Variants in SCHIP1 observed in about 807,000 individuals in gnomAD.
SCHIP1 encodes the protein schwannomin-interacting protein 1.
SCHIP1 carries 8 observed loss-of-function variants against 29.7 expected under a neutral mutation model. The observed-to-expected ratio is 0.27, with a 90% CI of 0.16 to 0.49. SCHIP1 has a LOEUF of 0.49. Ranked by LOEUF, SCHIP1 falls within the 20% of genes least tolerant of loss-of-function variation. The pLI is 0.99. For synonymous variants in SCHIP1, 76 were observed against 94.9 expected, an observed-to-expected ratio of 0.80 and a Z score of 1.16; for missense variants, 193 against 294.6, an observed-to-expected ratio of 0.66 and a Z score of 2.52.
the SCHIP1 span, among the ~76,000 whole-genome samples, chr3:159,679,717 G>T: frequency 3.0e-3 from 460 of 152,112 alleles, 3 homozygotes; most frequent in Middle Eastern, 0.01. Flanking sequence ...CTCCATGATG[G>T]CCCCGAGGAA....
the SCHIP1 span, among the ~76,000 whole-genome samples, chr3:159,650,009 A>G: frequency 6.6e-6 from 1 of 152,182 alleles, no homozygotes; most frequent in African/African-American, 2.4e-5. Context: ...TTTTCATAGA[A>G]CCACACACAA....
chr3:159,405,866 G>C, the SCHIP1 span, among the ~76,000 whole-genome samples: 1 of 140,278 alleles, frequency 7.1e-6, no homozygotes, highest in African/African-American at 2.8e-5. Flanking sequence ...CTAGGCAATA[G>C]AGTGAGACTC....
At chr3:159,547,481 C>G in the SCHIP1 span, among the ~76,000 whole-genome samples, 1 of 151,960 alleles carries the variant, frequency 6.6e-6, no homozygotes, top group Non-Finnish European at 1.5e-5. Flanking sequence ...AGTTATGAAG[C>G]CTTTGCCCAT....
rs1161141544 is a variant in SCHIP1, at chr3:159,843,822, C to CAAAAAA, written c.30+3627_30+3632dup. On this transcript the variant is annotated intron_variant, in intron 1 of 6. Transcript: ENST00000445224. ...TGGGCGACAGAGCAAGACTCTGTCT[C>CAAAAAA]AAAAAAAAAAAAAAAAAAAAAAAAG... Among the ~76,000 whole-genome samples the CAAAAAA allele has an allele frequency of 8.8e-4, 35 of 39,974 alleles. 1 individual carries two copies. Among genetic ancestry groups the CAAAAAA allele is most frequent in the African/African-American group, 3.2e-3 (31 of 9,754 alleles). 26.2% of individuals were successfully genotyped at this position (39,974 alleles called of 152,430 possible).
the SCHIP1 span, among the ~76,000 whole-genome samples, chr3:159,447,824 C>G: frequency 6.6e-6 from 1 of 152,196 alleles, no homozygotes; most frequent in Non-Finnish European, 1.5e-5. Flanking sequence ...CTTCTCCTAA[C>G]TCCCAACTGT....
intron 1 of SCHIP1, among the ~76,000 whole-genome samples, chr3:159,840,652 C>T (rs1744138809): frequency 1.3e-5 from 2 of 152,074 alleles, no homozygotes; most frequent in Non-Finnish European, 2.9e-5. Context: ...TAGATAGTCG[C>T]GATTGATAAT....
chr3:159,877,740 T>TA (rs572901075), intron 2 of SCHIP1, among the ~76,000 whole-genome samples: 86 of 152,362 alleles, frequency 5.6e-4, no homozygotes, highest in Non-Finnish European at 1.1e-3. Context: ...ATTTCTTCTC[T>TA]AACCTTCATT....
chr3:159,690,145 T>C, the SCHIP1 span, among the ~76,000 whole-genome samples: 1 of 152,198 alleles, frequency 6.6e-6, no homozygotes, highest in African/African-American at 2.4e-5. Flanking sequence ...CTTTTTCTAT[T>C]GTTTGGAATA....
chr3:159,493,703 A>G, the SCHIP1 span, among the ~76,000 whole-genome samples: 1 of 151,858 alleles, frequency 6.6e-6, no homozygotes, highest in Non-Finnish European at 1.5e-5. Flanking sequence ...CAAGACAGAA[A>G]GTTAACAAGG....
the SCHIP1 span, among the ~76,000 whole-genome samples, chr3:159,567,362 T>A: frequency 6.6e-6 from 1 of 152,210 alleles, no homozygotes; most frequent in East Asian, 1.9e-4. Flanking sequence ...TATCTTTTCC[T>A]TTACAGTTCA....
the SCHIP1 span, among the ~76,000 whole-genome samples, chr3:159,752,962 G>A: frequency 2.6e-5 from 4 of 152,126 alleles, no homozygotes; most frequent in African/African-American, 7.2e-5. Context: ...TTTTCACTAC[G>A]GTAAATGCTA....
At chr3:159,809,396 A>G in the SCHIP1 span, among the ~76,000 whole-genome samples, 1 of 152,172 alleles carries the variant, frequency 6.6e-6, no homozygotes, top group Non-Finnish European at 1.5e-5. Flanking sequence ...ATTGATGGAC[A>G]TTTGGGTTGG....
chr3:159,442,923 TC>T, the SCHIP1 span, among the ~76,000 whole-genome samples: 1 of 152,172 alleles, frequency 6.6e-6, no homozygotes, highest in Non-Finnish European at 1.5e-5. Context: ...TGAAGGATTA[TC>T]CCAAGGCTTA....
chr3:159,779,177 G>A, the SCHIP1 span, among the ~76,000 whole-genome samples: 2 of 152,182 alleles, frequency 1.3e-5, no homozygotes, highest in Non-Finnish European at 2.9e-5. Context: ...TGCCACTCAG[G>A]ATGTGAAAGG....
At chr3:159,849,393 G>T (rs1239112049) in intron 1 of SCHIP1, among the ~76,000 whole-genome samples, 3 of 152,062 alleles carry the variant, frequency 2.0e-5, no homozygotes, top group Non-Finnish European at 4.4e-5. Context: ...ACGGAGTCTT[G>T]CAGTCTCTAA....
the SCHIP1 span, among the ~76,000 whole-genome samples, chr3:159,490,659 G>A: frequency 6.6e-6 from 1 of 152,184 alleles, no homozygotes; most frequent in Non-Finnish European, 1.5e-5. Flanking sequence ...TCCTATTAAG[G>A]TGTACCAAAG....
the SCHIP1 span, among the ~76,000 whole-genome samples, chr3:159,339,911 C>G: frequency 6.6e-6 from 1 of 151,808 alleles, no homozygotes; most frequent in East Asian, 1.9e-4. Flanking sequence ...AGGTGCAAAA[C>G]GTCTAAGATA....
At chr3:159,757,278 C>A in the SCHIP1 span, among the ~76,000 whole-genome samples, 7 of 152,284 alleles carry the variant, frequency 4.6e-5, no homozygotes, top group African/African-American at 1.7e-4. Context: ...TGAGGAGAAG[C>A]AAGTCACATA....
the SCHIP1 span, among the ~76,000 whole-genome samples, chr3:159,422,226 G>T: frequency 5.3e-4 from 81 of 152,192 alleles, no homozygotes; most frequent in African/African-American, 1.8e-3. Flanking sequence ...TGGATTGCTA[G>T]GTAGGAAATG....
Sources: allele counts gnomAD v4.1 joint callset (sites outside exome capture counted in the v4.1 genomes callset), GRCh38; gene constraint gnomAD v4.1.1; transcripts MANE v1.5; gene names NCBI Gene and HGNC (gene_info 2026-07-23, HGNC 2026-07-21).